Variants in TSPAN9 observed in about 807,000 individuals in gnomAD.
TSPAN9 encodes the protein tetraspanin 9.
Under a neutral mutation model 31.0 loss-of-function variants are expected in TSPAN9, and 16 were observed. That is an observed-to-expected ratio of 0.52 (90% confidence interval 0.35 to 0.78). TSPAN9 has a LOEUF of 0.78. Among genes scored for constraint, TSPAN9 ranks in the 30% least tolerant of loss-of-function variants. TSPAN9 has a pLI of 0.01. For missense variants in TSPAN9, 272 were observed against 312.5 expected, an observed-to-expected ratio of 0.87 and a Z score of 0.98; for synonymous variants, 145 against 121.6, an observed-to-expected ratio of 1.19 and a Z score of -1.27.
intron 3 of TSPAN9, among the ~76,000 whole-genome samples, chr12:3,273,688 C>T (rs1356735091): frequency 2.6e-5 from 4 of 152,186 alleles, no homozygotes; most frequent in Non-Finnish European, 5.9e-5. Flanking sequence ...AGAGGCGGCT[C>T]CCCTGCCCTG....
At chr12:3,159,570 T>C (rs2098343957) in intron 2 of TSPAN9, among the ~76,000 whole-genome samples, 1 of 152,096 alleles carries the variant, frequency 6.6e-6, no homozygotes, top group African/African-American at 2.4e-5. Context: ...GGTGCCGTTA[T>C]AAGAGGATAT....
At chr12:3,267,992 A>T (rs1320789701) in intron 3 of TSPAN9, among the ~76,000 whole-genome samples, 1 of 152,214 alleles carries the variant, frequency 6.6e-6, no homozygotes, top group African/African-American at 2.4e-5. Context: ...GGGAAAAGGC[A>T]TGTCGAAGGG....
chr12:3,257,467 G>T (rs879844955), intron 3 of TSPAN9, among the ~76,000 whole-genome samples: 2 of 151,676 alleles, frequency 1.3e-5, no homozygotes, highest in Non-Finnish European at 2.9e-5. Flanking sequence ...CCCAGCCCCC[G>T]ACGAGCCATC....
At chr12:3,149,603 C>T (rs1298175753) in intron 2 of TSPAN9, among the ~76,000 whole-genome samples, 1 of 152,048 alleles carries the variant, frequency 6.6e-6, no homozygotes, top group Non-Finnish European at 1.5e-5. Flanking sequence ...GATTTGAGCC[C>T]TTTGGAAAAA....
At chr12:3,141,550 A>C (rs562682819) in intron 2 of TSPAN9, among the ~76,000 whole-genome samples, 1 of 152,116 alleles carries the variant, frequency 6.6e-6, no homozygotes, top group Non-Finnish European at 1.5e-5. Flanking sequence ...CCCGTCACCC[A>C]GTGGCCTGTC....
intron 2 of TSPAN9, among the ~76,000 whole-genome samples, chr12:3,157,957 C>G (rs565161550): frequency 2.0e-5 from 3 of 152,292 alleles, no homozygotes; most frequent in Admixed American, 6.5e-5. Flanking sequence ...CACTGAGCAA[C>G]TCCATTGTGT....
In TSPAN9 at chr12:3,107,304, G is replaced by A. The variant is rs953368257; in HGVS notation, c.-18+23585G>A. 6.6e-6 allele frequency among the ~76,000 whole-genome samples: 1 copy of A among 152,200 alleles called. No homozygotes were observed. Among genetic ancestry groups the A allele is most frequent in the Non-Finnish European group, 1.5e-5 (1 of 68,036 alleles). On this transcript the variant is annotated intron_variant, in intron 2 of 8. Transcript: ENST00000011898. This position sits in a 1 kb window ranked among gnomAD's most constrained non-coding sequence, Gnocchi z 4.1. ...GTTTCTTCTGACCTCGAAATCCAGC[G>A]AGTGAAAATCTGCGTGAAAACCTGA...
chr12:3,281,469 CA>C (rs1862893391), intron 7 of TSPAN9, 140 bp downstream of exon 7: 7 of 1,351,338 alleles, frequency 5.2e-6, no homozygotes, highest in Non-Finnish European at 5.9e-6. Context: ...AAAATAAAGC[CA>C]AAAGACAGGT....
At chr12:3,239,915 G>C (rs2098395701) in intron 3 of TSPAN9, among the ~76,000 whole-genome samples, 1 of 152,116 alleles carries the variant, frequency 6.6e-6, no homozygotes, top group South Asian at 2.1e-4. Flanking sequence ...TATATAGGGG[G>C]GGGACGAGGG....
intron 2 of TSPAN9, among the ~76,000 whole-genome samples, chr12:3,118,480 C>T (rs535469879): frequency 3.2e-4 from 48 of 151,944 alleles, no homozygotes; most frequent in African/African-American, 1.1e-3. Flanking sequence ...AAGCTGGTCT[C>T]GAACCCCTGA....
chr12:3,186,613 C>G (rs561570493), intron 2 of TSPAN9, among the ~76,000 whole-genome samples: 1 of 150,536 alleles, frequency 6.6e-6, no homozygotes, highest in South Asian at 2.1e-4. Flanking sequence ...TTGTCTTTTT[C>G]TTTGAGAGAC....
chr12:3,165,664 G>C (rs1461337876), intron 2 of TSPAN9, among the ~76,000 whole-genome samples: 1 of 152,180 alleles, frequency 6.6e-6, no homozygotes, highest in African/African-American at 2.4e-5. Flanking sequence ...CTGGGAGGGA[G>C]GCGCCTCTGC....
chr12:3,116,976 G>A (rs925800115), intron 2 of TSPAN9, among the ~76,000 whole-genome samples: 7 of 152,198 alleles, frequency 4.6e-5, no homozygotes, highest in Admixed American at 3.3e-4. Context: ...CATCCCCATA[G>A]GGGACAGACA....
chr12:3,267,958 A>G (rs144787303), intron 3 of TSPAN9, among the ~76,000 whole-genome samples: 219 of 152,338 alleles, frequency 1.4e-3, no homozygotes, highest in Non-Finnish European at 2.3e-3. Flanking sequence ...CCTTCTGACC[A>G]GTGCTGACAA....
intron 1 of TSPAN9, among the ~76,000 whole-genome samples, chr12:3,077,776 T>C (rs1235187599): frequency 6.6e-6 from 1 of 151,814 alleles, no homozygotes; most frequent in Admixed American, 6.5e-5. Context: ...CCGGCAAGGG[T>C]TTCCGACTGT....
At chr12:3,077,836 G>C (rs972979151) in intron 1 of TSPAN9, among the ~76,000 whole-genome samples, 1 of 152,260 alleles carries the variant, frequency 6.6e-6, no homozygotes, top group East Asian at 1.9e-4. Context: ...CCCAGAGAGG[G>C]CCAGGGGGCC....
intron 2 of TSPAN9, among the ~76,000 whole-genome samples, chr12:3,120,047 G>C (rs745685675): frequency 2.0e-5 from 3 of 152,114 alleles, no homozygotes; most frequent in Non-Finnish European, 4.4e-5. Flanking sequence ...GCAGTTCCGC[G>C]GTTTCAGATG....
At chr12:3,134,148 C>T (rs1285953012) in intron 2 of TSPAN9, among the ~76,000 whole-genome samples, 4 of 152,246 alleles carry the variant, frequency 2.6e-5, no homozygotes, top group Non-Finnish European at 4.4e-5. Context: ...CAGCCTTTCC[C>T]GCCGTGGACT....
intron 3 of TSPAN9, among the ~76,000 whole-genome samples, chr12:3,263,435 T>A (rs12578215): frequency 0.38 from 58,491 of 152,062 alleles, 13,451 homozygotes; most frequent in South Asian, 0.59. Flanking sequence ...CCTCTCCACG[T>A]GTGGCGGTGG....
Sources: allele counts gnomAD v4.1 joint callset (sites outside exome capture counted in the v4.1 genomes callset), GRCh38; gene constraint gnomAD v4.1.1; non-coding constraint Gnocchi (gnomAD v3.1); transcripts MANE v1.5; gene names NCBI Gene and HGNC (gene_info 2026-07-23, HGNC 2026-07-21).